The following PCOLCE2 variants were observed in gnomAD, a reference collection of about 807,000 sequenced individuals.
PCOLCE2 encodes procollagen C-proteinase enhancer 2.
In PCOLCE2, 42 loss-of-function variants were observed where a neutral mutation model predicts 47.0. That is an observed-to-expected ratio of 0.89 (90% confidence interval 0.70 to 1.16). The LOEUF (loss-of-function observed/expected upper bound fraction) is 1.16, where lower values mean the gene tolerates loss of function less well. Ranked by LOEUF, PCOLCE2 falls within the 50% of genes most tolerant of loss-of-function variation. The pLI, the probability that PCOLCE2 is intolerant of heterozygous loss-of-function variation, is 0.00. For synonymous variants in PCOLCE2, 169 were observed against 191.7 expected, an observed-to-expected ratio of 0.88 and a Z score of 0.98; for missense variants, 500 against 526.1, an observed-to-expected ratio of 0.95 and a Z score of 0.49.
intron 2 of PCOLCE2, among the ~76,000 whole-genome samples, chr3:142,875,856 A>T (rs1933486089): frequency 6.6e-6 from 1 of 152,176 alleles, no homozygotes; most frequent in Non-Finnish European, 1.5e-5. Context: ...AACCAAAGAA[A>T]CCAAACATAA....
rs530699629 is a variant in PCOLCE2, at chr3:142,836,917, T to G, written c.710+1853A>C. On this transcript the variant is annotated intron_variant, in intron 5 of 8. Coordinates refer to ENST00000295992, the MANE Select transcript of PCOLCE2 (RefSeq NM_013363.4). ...CAATAGGGTGTGTAGTCCCCAACAA[T>G]GTCCACATCCTAATCCCTGGACACT... Among the ~76,000 whole-genome samples the G allele has an allele frequency of 2.6e-5, 4 of 152,308 alleles. No homozygotes were observed. In the East Asian group the frequency reaches 7.7e-4, roughly 29 times the overall value.
At chr3:142,853,851 A>G (rs1483776444) in intron 2 of PCOLCE2, among the ~76,000 whole-genome samples, 1 of 152,212 alleles carries the variant, frequency 6.6e-6, no homozygotes, top group Non-Finnish European at 1.5e-5. Flanking sequence ...GCCTGCAGAA[A>G]AACAATTCGA....
At chr3:142,879,049 T>C (rs1428087831) in intron 2 of PCOLCE2, among the ~76,000 whole-genome samples, 1 of 152,126 alleles carries the variant, frequency 6.6e-6, no homozygotes, top group African/African-American at 2.4e-5. Flanking sequence ...ACTCTGGAGG[T>C]GGTCAAGGGA....
intron 2 of PCOLCE2, among the ~76,000 whole-genome samples, chr3:142,882,589 A>ATTATTTTTTTTTTTTTTTTTTTTTTTTT (rs1188049251): frequency 2.0e-5 from 3 of 151,642 alleles, no homozygotes; most frequent in South Asian, 2.1e-4. Flanking sequence ...TTATTATTAT[A>ATTATTTTTTTTTTTTTTTTTTTTTTTTT]CTTTAGAGAA....
intron 7 of PCOLCE2, among the ~76,000 whole-genome samples, 182 bp from the exon 8 acceptor site, chr3:142,821,227 G>A (rs1937009616): frequency 6.6e-6 from 1 of 152,162 alleles, no homozygotes; most frequent in South Asian, 2.1e-4. Context: ...TTGGAGCTGT[G>A]ATGTTACGCT....
At chr3:142,830,897 C>T (rs1378765689) in intron 5 of PCOLCE2, among the ~76,000 whole-genome samples, 1 of 152,244 alleles carries the variant, frequency 6.6e-6, no homozygotes, top group Non-Finnish European at 1.5e-5. Context: ...TCTTACACAT[C>T]ATGGACACCA....
At chr3:142,835,484 T>C (rs1184420582) in intron 5 of PCOLCE2, among the ~76,000 whole-genome samples, 4 of 152,222 alleles carry the variant, frequency 2.6e-5, no homozygotes, top group Admixed American at 2.0e-4. Flanking sequence ...GGGGGATGTG[T>C]CTTGTAAACA....
rs1288917638 is a variant in PCOLCE2 at position 142,871,607 on chromosome 3, G to T, written c.192+16062C>A. Among the ~76,000 whole-genome samples the T allele has an allele frequency of 2.6e-5, 4 of 152,306 alleles. No individual in the cohort carries two copies. In the East Asian group the frequency reaches 7.7e-4, roughly 29 times the overall value. On this transcript the variant is annotated intron_variant, in intron 2 of 8. Coordinates refer to ENST00000295992, the MANE Select transcript of PCOLCE2 (RefSeq NM_013363.4). ...TGGGTGGCCCTCATCCAATCAGTTGGAAGGCCTTAAGAACAAAACTGAGGT... is the reference window on the plus strand; with the variant it reads ...TGGGTGGCCCTCATCCAATCAGTTGTAAGGCCTTAAGAACAAAACTGAGGT...
In PCOLCE2 at chr3:142,820,904, C is replaced by T. The variant is rs776696030; in HGVS notation, c.1091G>A (p.Cys364Tyr). The T allele has an allele frequency of 4.3e-6, 7 of 1,613,830 alleles. No individual in the cohort carries two copies. The highest frequency in any genetic ancestry group is 1.7e-4 in the Middle Eastern group (1 of 6,052). The part of the protein sequence containing the change: ...KNMSARLTVV[C>Y]KQCPLLRRGL... The stretch of plus-strand genomic sequence containing the variant: ...TCTTCTGAGGAGAGGGCACTGCTTG[C>T]AGACGACAGTCAGCCTGGCACTCAT... The change falls in exon 8 of 9, where the codon TGC becomes TAC. Residue 364 changes from cysteine to tyrosine, a missense_variant. Transcript: ENST00000295992.
intron 2 of PCOLCE2, among the ~76,000 whole-genome samples, chr3:142,869,308 A>G (rs1402052848): frequency 6.6e-6 from 1 of 152,050 alleles, no homozygotes; most frequent in Non-Finnish European, 1.5e-5. Context: ...AAAACCAAAA[A>G]AAACAGAGAC....
At chr3:142,831,382 C>T (rs1937149944) in intron 5 of PCOLCE2, among the ~76,000 whole-genome samples, 1 of 152,142 alleles carries the variant, frequency 6.6e-6, no homozygotes, top group African/African-American at 2.4e-5. Flanking sequence ...GCAGAGAGTC[C>T]CCACCAGCAA....
chr3:142,871,177 T>G (rs1382363543), intron 2 of PCOLCE2, among the ~76,000 whole-genome samples: 1 of 152,236 alleles, frequency 6.6e-6, no homozygotes, highest in African/African-American at 2.4e-5. Context: ...TTAATAATTT[T>G]TATTGGCTCT....
intron 2 of PCOLCE2, among the ~76,000 whole-genome samples, chr3:142,858,411 C>A (rs1034740891): frequency 6.6e-6 from 1 of 152,194 alleles, no homozygotes; most frequent in Admixed American, 6.5e-5. Context: ...TGAATAGTTT[C>A]GGGATTTTCT....
intron 6 of PCOLCE2, chr3:142,827,699 G>T: frequency 9.0e-7 from 1 of 1,107,032 alleles, no homozygotes; most frequent in Non-Finnish European, 1.4e-6. Flanking sequence ...CTTGGGGAGG[G>T]GCGCGCTGTG....
intron 2 of PCOLCE2, among the ~76,000 whole-genome samples, chr3:142,849,050 G>T (rs901656691): frequency 6.6e-6 from 1 of 152,058 alleles, no homozygotes; most frequent in Admixed American, 6.6e-5. Context: ...CTACTCGGGA[G>T]GCTGAGGCAG....
At chr3:142,830,088 CT>C (rs1305591576) in intron 5 of PCOLCE2, among the ~76,000 whole-genome samples, 1 of 152,122 alleles carries the variant, frequency 6.6e-6, no homozygotes, top group Non-Finnish European at 1.5e-5. Flanking sequence ...ATTTTTATCT[CT>C]TTTTTTATGG....
intron 2 of PCOLCE2, among the ~76,000 whole-genome samples, chr3:142,858,241 T>C (rs894054001): frequency 2.0e-5 from 3 of 152,210 alleles, no homozygotes; most frequent in Non-Finnish European, 4.4e-5. Flanking sequence ...GCCTTGCAGC[T>C]GACTGTGAAC....
chr3:142,846,284 T>C (rs1405818676), intron 3 of PCOLCE2, among the ~76,000 whole-genome samples: 1 of 152,148 alleles, frequency 6.6e-6, no homozygotes, highest in African/African-American at 2.4e-5. Flanking sequence ...CTGCAACCTC[T>C]GCCTGCAGGT....
At chr3:142,845,897 C>T (rs1203285802) in intron 3 of PCOLCE2, among the ~76,000 whole-genome samples, 1 of 152,110 alleles carries the variant, frequency 6.6e-6, no homozygotes, top group East Asian at 1.9e-4. Context: ...ATCGCTTGAA[C>T]CTGGGAGGTG....
Sources: gnomAD v4.1 joint callset for allele counts (sites outside exome capture counted in the v4.1 genomes callset) on GRCh38, gnomAD v4.1.1 for gene constraint, MANE v1.5 for transcripts, NCBI Gene and HGNC (gene_info 2026-07-23, HGNC 2026-07-21) for gene names.